The following GLI3 variants were observed in gnomAD, a reference collection of about 807,000 sequenced individuals.
GLI3 encodes the protein transcription activator GLI3.
GLI3 carries 20 observed loss-of-function variants against 100.8 expected under a neutral mutation model. The ratio of observed to expected loss-of-function variants is 0.20; its 90% CI spans 0.14 to 0.29. The LOEUF (loss-of-function observed/expected upper bound fraction) is 0.29, where lower values mean the gene tolerates loss of function less well. Among genes scored for constraint, GLI3 ranks in the 10% least tolerant of loss-of-function variants. The probability of loss-of-function intolerance (pLI) is 1.00; values close to 1 mark genes in which losing one functional copy is unlikely to be tolerated. For missense variants in GLI3, 2,040 were observed against 2,128.5 expected, an observed-to-expected ratio of 0.96 and a Z score of 0.82; for synonymous variants, 938 against 860.5, an observed-to-expected ratio of 1.09 and a Z score of -1.58.
chr7:42,190,824 G>C (rs890555702), intron 2 of GLI3, among the ~76,000 whole-genome samples: 1 of 151,810 alleles, frequency 6.6e-6, no homozygotes, highest in South Asian at 2.1e-4. Flanking sequence ...CCAAAGTCTA[G>C]AATCAAATAG....
chr7:42,130,719 T>C (rs1786255205), intron 3 of GLI3, among the ~76,000 whole-genome samples: 1 of 152,132 alleles, frequency 6.6e-6, no homozygotes, highest in Non-Finnish European at 1.5e-5. Context: ...TTATTAAAGA[T>C]AGAATAGAAA....
intron 13 of GLI3, among the ~76,000 whole-genome samples, chr7:41,968,747 A>AGAAG (rs373611069): frequency 0.012 from 1,447 of 120,932 alleles, 21 homozygotes; most frequent in Middle Eastern, 0.018. Flanking sequence ...AAAGAAAGAA[A>AGAAG]GAAAGAAAGA....
chr7:42,036,083 A>C (rs1298843260), intron 7 of GLI3, among the ~76,000 whole-genome samples: 1 of 152,238 alleles, frequency 6.6e-6, no homozygotes, highest in African/African-American at 2.4e-5. Context: ...TTGTGAATAA[A>C]TATTAGTTTT....
At chr7:42,144,832 T>C (rs1263194292) in intron 3 of GLI3, among the ~76,000 whole-genome samples, 2 of 152,168 alleles carry the variant, frequency 1.3e-5, no homozygotes, top group Non-Finnish European at 1.5e-5. Flanking sequence ...CTGTGAGTGT[T>C]CACATGGCCA....
Position 41,978,725 on chromosome 7 carries a change from A to G in GLI3, c.1521T>C (p.His507=), listed in dbSNP as rs767431205. ...LVHHINNDHI[H]GEKKEFVCRW... is the part of the protein sequence containing the mutation. ...TGCACACGAACTCCTTCTTCTCTCC[A>G]TGAATATGGTCGTTATTTATATGCT... is the stretch of plus-strand genomic sequence containing the variant. The change falls in exon 11 of 15, where the codon CAT becomes CAC. Residue 507 remains histidine, a synonymous_variant. Transcript: ENST00000395925. 6 of 1,613,926 alleles carry G rather than the reference A, an allele frequency of 3.7e-6. No homozygotes were observed. The East Asian group carries it at 6.7e-5, about 18-fold the overall frequency.
At chr7:42,114,408 T>A (rs192681623) in intron 3 of GLI3, among the ~76,000 whole-genome samples, 2 of 151,738 alleles carry the variant, frequency 1.3e-5, no homozygotes, top group African/African-American at 4.9e-5. Flanking sequence ...ATGGAACATA[T>A]CTTTTATAAA....
At position 41,961,615 on chromosome 7, in the gene GLI3, C is replaced by T. The variant is rs193192167; in HGVS notation, c.*2715G>A. On this transcript the variant is annotated 3_prime_UTR_variant, in exon 15 of 15. Transcript: ENST00000395925. ...AGCAGGAGTAGAATGTGTGAGCCTGCATGTTTTAGAAAAGGCAGGATGGTG... is the reference window on the plus strand; with the variant it reads ...AGCAGGAGTAGAATGTGTGAGCCTGTATGTTTTAGAAAAGGCAGGATGGTG... 772 of 152,318 alleles carry T rather than the reference C, an allele frequency of 5.1e-3. 5 individuals are homozygous for T. Among genetic ancestry groups the T allele is most frequent in the Non-Finnish European group, 5.8e-3 (397 of 68,030 alleles). 9.4% of individuals were successfully genotyped at this position (152,318 alleles called of 1,614,324 possible).
chr7:42,238,467 T>C (rs554143987), upstream of GLI3, among the ~76,000 whole-genome samples: 1 of 152,308 alleles, frequency 6.6e-6, no homozygotes, highest in South Asian at 2.1e-4. Context: ...TCCACCGGAC[T>C]CGTCTGCCCT....
chr7:41,974,950 C>T (rs1453175174), intron 12 of GLI3, among the ~76,000 whole-genome samples: 2 of 152,180 alleles, frequency 1.3e-5, no homozygotes, highest in Non-Finnish European at 2.9e-5. Context: ...GAGGTCAGGA[C>T]TAGAGGGATG....
At chr7:41,977,237 T>C (rs757559434) in intron 12 of GLI3, among the ~76,000 whole-genome samples, 77 of 152,216 alleles carry the variant, frequency 5.1e-4, no homozygotes, top group Non-Finnish European at 9.0e-4. Context: ...TCCTGCTATT[T>C]TGGGCAGCGT....
chr7:42,135,837 T>A (rs1250617497), intron 3 of GLI3, among the ~76,000 whole-genome samples: 1 of 151,868 alleles, frequency 6.6e-6, no homozygotes, highest in African/African-American at 2.4e-5. Context: ...GATACCAAGA[T>A]GCCTTTGTGG....
chr7:42,112,609 T>A (rs528302659), intron 3 of GLI3, among the ~76,000 whole-genome samples: 27,441 of 151,962 alleles, frequency 0.18, 3,955 homozygotes, highest in African/African-American at 0.41. Context: ...GCCCATTATT[T>A]CCCATAACAA....
intron 1 of GLI3, among the ~76,000 whole-genome samples, chr7:42,261,223 A>ACACACACACACACAAC (rs1491140813): frequency 1.4e-5 from 1 of 70,770 alleles, no homozygotes; most frequent in Non-Finnish European, 3.7e-5. Flanking sequence ...ACACACACAC[A>ACACACACACACACAAC]ACACACACAC....
At chr7:42,051,783 G>T (rs1373425164) in intron 4 of GLI3, among the ~76,000 whole-genome samples, 1 of 151,882 alleles carries the variant, frequency 6.6e-6, no homozygotes, top group Non-Finnish European at 1.5e-5. Flanking sequence ...ATAGCCTCCT[G>T]TCATTATCAA....
intron 3 of GLI3, among the ~76,000 whole-genome samples, chr7:42,087,051 G>C (rs1049637299): frequency 6.6e-6 from 1 of 152,108 alleles, no homozygotes; most frequent in Admixed American, 6.5e-5. Context: ...GGGCAGAAGA[G>C]GCCCACTTAT....
At chr7:42,083,688 TTTTA>T (rs1244865379) in intron 3 of GLI3, among the ~76,000 whole-genome samples, 1 of 152,208 alleles carries the variant, frequency 6.6e-6, no homozygotes, top group Non-Finnish European at 1.5e-5. Context: ...AATATCAATT[TTTTA>T]TTTATTGTGT....
At position 42,156,760 on chromosome 7, in the gene GLI3, C is replaced by G. The variant is rs543818456; in HGVS notation, c.125-8292G>C. 3.9e-5 allele frequency among the ~76,000 whole-genome samples: 6 copies of G among 152,314 alleles called. No homozygotes were observed. The East Asian group carries it at 5.8e-4, about 15-fold the overall frequency. On this transcript the variant is annotated intron_variant, in intron 2 of 14. Coordinates refer to ENST00000395925, the MANE Select transcript of GLI3 (RefSeq NM_000168.6). ...TTTAAAGGCACGAAGGAATAAACCT[C>G]TGTGTGCAGCAGCTTCTTCCTTTGG...
chr7:42,073,300 G>C (rs1350986881), intron 4 of GLI3, among the ~76,000 whole-genome samples: 1 of 152,082 alleles, frequency 6.6e-6, no homozygotes, highest in Non-Finnish European at 1.5e-5. Flanking sequence ...GCAAGCTGAA[G>C]GCATTCCGTT....
rs546363518 is a variant in GLI3, at chr7:42,114,216, C to T, written c.367+34010G>A. On this transcript the variant is annotated intron_variant, in intron 3 of 14. Coordinates refer to ENST00000395925, the MANE Select transcript of GLI3 (RefSeq NM_000168.6). ...TTGTGAAAAGTTGTTAAACAACATG[C>T]TAAATGCGAAATGTCAACCCTCACT... Among the ~76,000 whole-genome samples the T allele has an allele frequency of 2.0e-5, 3 of 152,316 alleles. No homozygotes were observed. The South Asian group carries it at 6.2e-4, about 32-fold the overall frequency.
Sources: gnomAD v4.1 joint callset for allele counts (sites outside exome capture counted in the v4.1 genomes callset) on GRCh38, gnomAD v4.1.1 for gene constraint, MANE v1.5 for transcripts, NCBI Gene and HGNC (gene_info 2026-07-23, HGNC 2026-07-21) for gene names.